The following PCP4 variants were observed in gnomAD, a reference collection of about 807,000 sequenced individuals.
The protein encoded by PCP4 is calmodulin regulator protein PCP4.
A neutral mutation model predicts 10.0 loss-of-function variants in PCP4; 8 were observed. The observed-to-expected ratio is 0.80, with a 90% CI of 0.47 to 1.45. The LOEUF is 1.45. Among genes scored for constraint, PCP4 ranks in the 40% most tolerant of loss-of-function variants. The probability of loss-of-function intolerance (pLI) is 0.00; values close to 1 mark genes in which losing one functional copy is unlikely to be tolerated. For synonymous variants in PCP4, 21 were observed against 23.0 expected (o/e 0.91, Z 0.24); for missense variants, 54 against 74.4 (o/e 0.73, Z 1.01).
chr21:39,905,356 A>G (rs546244872), intron 2 of PCP4, among the ~76,000 whole-genome samples: 3 of 152,352 alleles, frequency 2.0e-5, no homozygotes, highest in South Asian at 4.1e-4. Context: ...GAAGGAAGAA[A>G]TGGACACACA....
intron 2 of PCP4, among the ~76,000 whole-genome samples, chr21:39,910,151 C>T (rs982530803): frequency 7.9e-5 from 12 of 152,246 alleles, no homozygotes; most frequent in South Asian, 4.1e-4. Context: ...CATGCTCTGG[C>T]GTTCATTTAG....
intron 2 of PCP4, among the ~76,000 whole-genome samples, chr21:39,904,480 T>G (rs2087496982): frequency 6.6e-6 from 1 of 152,232 alleles, no homozygotes; most frequent in African/African-American, 2.4e-5. Flanking sequence ...GAACCAAGGA[T>G]GATTGAGTGA....
intron 1 of PCP4, among the ~76,000 whole-genome samples, chr21:39,881,034 G>C (rs963310573): frequency 6.6e-6 from 1 of 152,080 alleles, no homozygotes; most frequent in Non-Finnish European, 1.5e-5. Flanking sequence ...TTGTGGGAGA[G>C]TAGAATTTTC....
At chr21:39,869,621 C>T (rs11910004) in intron 1 of PCP4, among the ~76,000 whole-genome samples, 23,226 of 152,122 alleles carry the variant, frequency 0.15, 1,931 homozygotes, top group Middle Eastern at 0.22. Context: ...GCATGGCCAC[C>T]GCTCCTGGCT....
At chr21:39,918,354 G>T (rs1292367800) in intron 2 of PCP4, among the ~76,000 whole-genome samples, 1 of 152,144 alleles carries the variant, frequency 6.6e-6, no homozygotes, top group African/African-American at 2.4e-5. Flanking sequence ...AAGCCAGGGT[G>T]CCTCTGGATG....
chr21:39,903,224 G>A lies in PCP4; in HGVS notation c.61+4697G>A, dbSNP rs1173511771. 2.0e-5 allele frequency among the ~76,000 whole-genome samples: 3 copies of A among 152,170 alleles called. 1 individual carries two copies. The highest frequency in any genetic ancestry group is 7.2e-5 in the African/African-American group (3 of 41,444). On this transcript the variant is annotated intron_variant, in intron 2 of 2. Transcript: ENST00000328619. ...TGGGGCTTACTTTCAGAGCTTGGAG[G>A]CTTACCCAAGCTAAATTGAATTTCT...
intron 2 of PCP4, among the ~76,000 whole-genome samples, chr21:39,925,821 C>T (rs2037918): frequency 0.48 from 72,502 of 151,878 alleles, 17,528 homozygotes; most frequent in Admixed American, 0.52. Context: ...CTTGTCACTG[C>T]CACTGGGGTC....
intron 2 of PCP4, among the ~76,000 whole-genome samples, chr21:39,899,373 A>G (rs961725728): frequency 1.3e-5 from 2 of 152,172 alleles, no homozygotes; most frequent in Non-Finnish European, 2.9e-5. Flanking sequence ...CTTGCTTCCA[A>G]CTAGATGAAA....
intron 2 of PCP4, among the ~76,000 whole-genome samples, chr21:39,916,648 A>G (rs1296874006): frequency 6.6e-6 from 1 of 152,210 alleles, no homozygotes; most frequent in African/African-American, 2.4e-5. Flanking sequence ...ATTCTATTAC[A>G]AAGACACAAG....
Position 39,920,096 on chromosome 21 carries a change from T to A in PCP4, c.62-8888T>A, listed in dbSNP as rs911370463. 5.5e-5 allele frequency among the ~76,000 whole-genome samples: 8 copies of A among 145,836 alleles called. No homozygotes were observed. In the South Asian group the frequency reaches 6.7e-4, roughly 12 times the overall value. ...GTGTGTGTGGTGTGTGTGATGTGTG[T>A]GTGTGTTTGGTCTGTGTGTGGGGTG... On this transcript the variant is annotated intron_variant, in intron 2 of 2. Transcript: ENST00000328619.
intron 1 of PCP4, among the ~76,000 whole-genome samples, chr21:39,868,829 G>A (rs1378669660): frequency 6.6e-6 from 1 of 152,324 alleles, no homozygotes; most frequent in South Asian, 2.1e-4. Context: ...ACTGCCGGGT[G>A]AATCTTGATG....
At chr21:39,893,545 C>G (rs770326231) in intron 1 of PCP4, among the ~76,000 whole-genome samples, 6 of 152,250 alleles carry the variant, frequency 3.9e-5, no homozygotes, top group Non-Finnish European at 7.3e-5. Flanking sequence ...ATCTCATCTG[C>G]CTCCTGGATC....
At chr21:39,881,052 C>T (rs973279250) in intron 1 of PCP4, among the ~76,000 whole-genome samples, 4 of 151,982 alleles carry the variant, frequency 2.6e-5, no homozygotes, top group Non-Finnish European at 4.4e-5. Context: ...TTCACTTCTG[C>T]GGGGAGCATC....
At chr21:39,869,341 A>G (rs775217807) in intron 1 of PCP4, among the ~76,000 whole-genome samples, 5 of 152,192 alleles carry the variant, frequency 3.3e-5, no homozygotes, top group Non-Finnish European at 5.9e-5. Flanking sequence ...ACCTGTGATT[A>G]GGGTCACAGC....
chr21:39,924,874 G>A (rs2087613151), intron 2 of PCP4, among the ~76,000 whole-genome samples: 1 of 152,206 alleles, frequency 6.6e-6, no homozygotes, highest in Admixed American at 6.5e-5. Context: ...TTGGTGGCAG[G>A]CTCTGTTCTA....
At chr21:39,898,320 A>G (rs1485856566) in intron 1 of PCP4, 156 bp from the exon 2 acceptor site, 3 of 742,098 alleles carry the variant, frequency 4.0e-6, no homozygotes, top group South Asian at 2.9e-5. Context: ...TGGTGGATCC[A>G]TTCCTACTCT....
At chr21:39,868,681 A>G (rs2087305309) in intron 1 of PCP4, among the ~76,000 whole-genome samples, 1 of 152,040 alleles carries the variant, frequency 6.6e-6, no homozygotes, top group African/African-American at 2.4e-5. Flanking sequence ...CCTCTCAACA[A>G]CTCCGTGCAG....
At chr21:39,926,628 C>T (rs1223331882) in intron 2 of PCP4, among the ~76,000 whole-genome samples, 1 of 152,182 alleles carries the variant, frequency 6.6e-6, no homozygotes. Flanking sequence ...TGCTACCTAA[C>T]CAAGGATGTT....
intron 1 of PCP4, among the ~76,000 whole-genome samples, chr21:39,896,870 C>T (rs919685179): frequency 6.6e-6 from 1 of 152,166 alleles, no homozygotes; most frequent in African/African-American, 2.4e-5. Flanking sequence ...AAGACCTGGA[C>T]CCAAATATGA....
Sources: allele counts gnomAD v4.1 joint callset (sites outside exome capture counted in the v4.1 genomes callset), GRCh38; gene constraint gnomAD v4.1.1; transcripts MANE v1.5; gene names NCBI Gene and HGNC (gene_info 2026-07-23, HGNC 2026-07-21).